The following ZNF790 variants were observed in gnomAD, a reference collection of about 807,000 sequenced individuals.
The protein encoded by ZNF790 is zinc finger protein 790.
In ZNF790, 8 loss-of-function variants were observed where a neutral mutation model predicts 12.1. The observed-to-expected ratio is 0.66, with a 90% confidence interval of 0.39 to 1.19. The LOEUF (loss-of-function observed/expected upper bound fraction) is 1.19. Among genes scored for constraint, ZNF790 ranks in the 50% most tolerant of loss-of-function variants. The pLI is 0.01. For missense variants in ZNF790, 707 were observed against 752.2 expected, an observed-to-expected ratio of 0.94 and a Z score of 0.70; for synonymous variants, 252 against 244.3, an observed-to-expected ratio of 1.03 and a Z score of -0.29.
intron 1 of ZNF790, among the ~76,000 whole-genome samples, chr19:36,831,406 C>G (rs1005545911): frequency 3.9e-5 from 6 of 151,998 alleles, no homozygotes; most frequent in African/African-American, 7.2e-5. Flanking sequence ...AGAAAATAGG[C>G]TAAGTCACAT....
At chr19:36,831,629 G>C (rs776334842) in intron 1 of ZNF790, among the ~76,000 whole-genome samples, 2 of 151,922 alleles carry the variant, frequency 1.3e-5, no homozygotes, top group Non-Finnish European at 2.9e-5. Context: ...TTAATGAACA[G>C]AACAAAATTT....
At chr19:36,823,068 G>A (rs943591899) in intron 4 of ZNF790, among the ~76,000 whole-genome samples, 3 of 151,862 alleles carry the variant, frequency 2.0e-5, no homozygotes, top group Non-Finnish European at 4.4e-5. Context: ...TAGTAGAAAT[G>A]GGGTTTCACC....
rs1253031701 is a variant in ZNF790, at chr19:36,825,688, C to T, written c.-69G>A. ...TTGGTGAGGCAGCGTGCTGGGAAAG[C>T]AGAGCTAGAAGGAAAGAATCACAAG... On this transcript the variant is annotated 5_prime_UTR_variant, in exon 2 of 5. Coordinates refer to ENST00000356725, the MANE Select transcript of ZNF790 (RefSeq NM_206894.4). 9 of 1,552,164 alleles carry T rather than the reference C, an allele frequency of 5.8e-6. No individual in the cohort carries two copies. In the East Asian group the frequency reaches 1.8e-4, roughly 31 times the overall value.
At chr19:36,847,355 A>AAAAAAACAAAAC (rs985977001) in intron 1 of ZNF790, among the ~76,000 whole-genome samples, 1 of 152,236 alleles carries the variant, frequency 6.6e-6, no homozygotes, top group Admixed American at 6.5e-5. Context: ...TGTCTTGGGA[A>AAAAAAACAAAAC]AAAAAACAAA....
intron 2 of ZNF790, 111 bp from the exon 3 acceptor site, chr19:36,823,901 T>C (rs1042575172): frequency 2.1e-6 from 2 of 970,732 alleles, no homozygotes; most frequent in Non-Finnish European, 2.8e-6. Flanking sequence ...GAGTGGGGCA[T>C]ATATTGGGCG....
chr19:36,831,096 G>A (rs2071936590), intron 1 of ZNF790, among the ~76,000 whole-genome samples: 13 of 151,664 alleles, frequency 8.6e-5, no homozygotes, highest in Admixed American at 8.6e-4. Context: ...CCAAGATCAC[G>A]CCACTGCACT....
At chr19:36,845,901 C>G (rs752034307) in intron 1 of ZNF790, among the ~76,000 whole-genome samples, 13 of 151,776 alleles carry the variant, frequency 8.6e-5, no homozygotes, top group Non-Finnish European at 1.2e-4. Context: ...CTCTGCCTCC[C>G]GGGTTCAAGC....
At chr19:36,826,399 A>G (rs1165276259) in intron 1 of ZNF790, among the ~76,000 whole-genome samples, 2 of 152,006 alleles carry the variant, frequency 1.3e-5, no homozygotes, top group African/African-American at 2.4e-5. Context: ...CTTGGCCGAC[A>G]TGGTGAAACC....
At chr19:36,844,565 A>G (rs2072159939) in intron 1 of ZNF790, among the ~76,000 whole-genome samples, 1 of 152,102 alleles carries the variant, frequency 6.6e-6, no homozygotes, top group African/African-American at 2.4e-5. Flanking sequence ...TTGAAGAGAC[A>G]ATGGCAAGGA....
intron 1 of ZNF790, among the ~76,000 whole-genome samples, chr19:36,845,236 G>A (rs2072169594): frequency 6.6e-6 from 1 of 151,726 alleles, no homozygotes. Context: ...GAGCAATATA[G>A]CAAGACTTTG....
In ZNF790 at chr19:36,818,658, A is replaced by C; in HGVS notation, c.1686T>G (p.Tyr562Ter). The C allele has an allele frequency of 6.2e-7, 1 of 1,612,830 alleles. No homozygotes were observed. The highest frequency in any genetic ancestry group is 8.5e-7 in the Non-Finnish European group (1 of 1,179,550). ...AGATGTGGCTACTTTTCTTGCATCC[A>C]TAAGGTTCTGCATCAGTATGAATTT... Reference protein sequence around the residue: ...HKKIHTDAEPYGCKKSSHIFS... With the variant: ...HKKIHTDAEP Residue 562 changes from tyrosine to a stop codon, truncating the protein, a stop_gained, in exon 5 of 5, where the codon TAT becomes TAG. Coordinates refer to ENST00000356725, the MANE Select transcript of ZNF790 (RefSeq NM_206894.4). LOFTEE classifies it low-confidence loss of function (END_TRUNC).
rs1350718243 is a variant in ZNF790, at chr19:36,819,094, G to C, written c.1250C>G (p.Thr417Ser). 6.2e-7 allele frequency: 1 copy of C among 1,613,656 alleles called. No homozygotes were observed. Among genetic ancestry groups the C allele is most frequent in the East Asian group, 2.2e-5 (1 of 44,862 alleles). The change falls in exon 5 of 5, where the codon ACT (threonine) becomes AGT (serine). Residue 417 changes from threonine to serine, a missense_variant. Coordinates refer to ENST00000356725, the MANE Select transcript of ZNF790 (RefSeq NM_206894.4). ...SHLARHQRIHTGRKPYECKQC... is the reference protein window; with the variant it reads ...SHLARHQRIHSGRKPYECKQC... ...CTTACATTCATAAGGTTTCCTGCCAGTATGAATTCGCTGATGTCGAGCAAG... is the reference window on the plus strand; with the variant it reads ...CTTACATTCATAAGGTTTCCTGCCACTATGAATTCGCTGATGTCGAGCAAG...
At position 36,823,677 on chromosome 19, in the gene ZNF790, C is replaced by G. The variant is rs1248860960; in HGVS notation, c.123G>C (p.Met41Ile). The G allele has an allele frequency of 1.2e-6, 2 of 1,607,062 alleles. No individual in the cohort carries two copies. Among genetic ancestry groups the G allele is most frequent in the Non-Finnish European group, 1.7e-6 (2 of 1,178,546 alleles). The change falls in exon 3 of 5, where the codon ATG becomes ATC. Residue 41 changes from methionine to isoleucine, a missense_variant. By Grantham distance (10) the Met-to-Ile change is conservative. Coordinates refer to ENST00000356725, the MANE Select transcript of ZNF790 (RefSeq NM_206894.4). ...RDVMLENYSN[M>I]VSLGFCIYQP... is the part of the protein sequence containing the mutation. ...AATGCTGAATCTTACCCAGTGAGAC[C>G]ATGTTGCTGTAGTTCTCCAACATCA... is the stretch of plus-strand genomic sequence containing the variant.
In ZNF790 at chr19:36,823,361, T is replaced by C; in HGVS notation, c.153A>G (p.Pro51=). The change falls in exon 4 of 5, where the codon CCA becomes CCG. Residue 51 remains proline (P), a synonymous_variant. Transcript: ENST00000356725. The part of the protein sequence containing the change: ...MVSLGFCIYQ[P]EAFSLLEKGK... ...CTTTCTCCAATAAAGAGAACGCTTC[T>C]GGCTGATAAATGCAAAAACCTGCCC... 6.2e-7 allele frequency: 1 copy of C among 1,614,116 alleles called. No individual in the cohort carries two copies. The highest frequency in any genetic ancestry group is 8.5e-7 in the Non-Finnish European group (1 of 1,180,000).
At position 36,818,863 on chromosome 19, in the gene ZNF790, T is replaced by C; in HGVS notation, c.1481A>G (p.Asn494Ser). 1.2e-6 allele frequency: 2 copies of C among 1,613,646 alleles called. No individual in the cohort carries two copies. Among genetic ancestry groups the C allele is most frequent in the Non-Finnish European group, 8.5e-7 (1 of 1,179,890 alleles). ...TCCAGTATGAATTTTCTGGTGTCGA[T>C]TAAGTTCTGAACCACGAAAAAAGGT... ...GKTFFRGSEL[N>S]RHQKIHTGKR... The change falls in exon 5 of 5, where the codon AAT (asparagine) becomes AGT (serine). Residue 494 changes from asparagine (N) to serine (S), a missense_variant. Physicochemically the swap from Asn to Ser is conservative, Grantham distance 46. Coordinates refer to ENST00000356725, the MANE Select transcript of ZNF790 (RefSeq NM_206894.4).
chr19:36,828,218 C>A (rs1244300203), intron 1 of ZNF790: 1 of 152,156 alleles, frequency 6.6e-6, no homozygotes, highest in African/African-American at 2.4e-5. Flanking sequence ...AATCCCAGCA[C>A]TTTGGGAGGC....
intron 4 of ZNF790, among the ~76,000 whole-genome samples, chr19:36,822,217 G>A (rs988101953): frequency 6.6e-6 from 1 of 152,058 alleles, no homozygotes; most frequent in Non-Finnish European, 1.5e-5. Context: ...CAATCAAGGA[G>A]AAGATAGGAA....
At chr19:36,826,106 A>G (rs1196487643) in intron 1 of ZNF790, among the ~76,000 whole-genome samples, 1 of 152,114 alleles carries the variant, frequency 6.6e-6, no homozygotes, top group African/African-American at 2.4e-5. Flanking sequence ...GGATTTCAGA[A>G]TTTCTTATTT....
chr19:36,818,945 G>A lies in ZNF790; in HGVS notation c.1399C>T (p.Arg467Ter), dbSNP rs775176883. The A allele has an allele frequency of 9.9e-6, 16 of 1,609,892 alleles. No homozygotes were observed. The Admixed American group carries it at 1.8e-4, about 19-fold the overall frequency. ...TCACCAGTATGAATTTTCTGATGTC[G>A]ATTAAACTCTGAGCCATGAAGAAAG... is the stretch of plus-strand genomic sequence containing the variant. The part of the protein sequence containing the change: ...KTFLHGSEFN[R>*]HQKIHTGERN... The change falls in exon 5 of 5, where the codon CGA becomes TGA. Residue 467 changes from arginine to a stop codon, truncating the protein, a stop_gained. Transcript: ENST00000356725. LOFTEE classifies it low-confidence loss of function (END_TRUNC).
Sources: allele counts gnomAD v4.1 joint callset (sites outside exome capture counted in the v4.1 genomes callset), GRCh38; gene constraint gnomAD v4.1.1; transcripts MANE v1.5; gene names NCBI Gene and HGNC (gene_info 2026-07-23, HGNC 2026-07-21).